CCDC33: variants seen among roughly 807,000 people sequenced by gnomAD.
CCDC33 encodes the protein coiled-coil domain containing 33, also known as coiled-coil domain-containing protein 33.
CCDC33 carries 94 observed loss-of-function variants against 91.9 expected under a neutral mutation model. The observed-to-expected ratio is 1.02, with a 90% confidence interval of 0.87 to 1.21. CCDC33 has a LOEUF of 1.21. Among genes scored for constraint, CCDC33 ranks in the 50% most tolerant of loss-of-function variants. The probability of loss-of-function intolerance (pLI) is 0.00; values close to 1 mark genes in which losing one functional copy is unlikely to be tolerated. For missense variants in CCDC33, 940 were observed against 935.5 expected (o/e 1.00, Z -0.06); for synonymous variants, 396 against 374.5 (o/e 1.06, Z -0.66).
At chr15:74,273,872 C>A (rs1286114061) in intron 7 of CCDC33, among the ~76,000 whole-genome samples, 4 of 137,772 alleles carry the variant, frequency 2.9e-5, no homozygotes, top group Non-Finnish European at 6.1e-5. Context: ...CTCTTGTTGC[C>A]CAGGCTGGAG....
intron 2 of CCDC33, among the ~76,000 whole-genome samples, chr15:74,261,541 A>G (rs1442784833): frequency 1.3e-5 from 2 of 152,088 alleles, no homozygotes; most frequent in African/African-American, 4.8e-5. Flanking sequence ...CTCCCTCCGC[A>G]AGGTGTGTGG....
chr15:74,227,893 C>T (rs1372625466), intron 2 of CCDC33, among the ~76,000 whole-genome samples: 3 of 151,982 alleles, frequency 2.0e-5, no homozygotes, highest in Admixed American at 6.6e-5. Flanking sequence ...AGCCTCAGTG[C>T]AGTCCAAGAG....
chr15:74,250,651 C>T (rs1439324629), intron 2 of CCDC33, among the ~76,000 whole-genome samples: 1 of 152,228 alleles, frequency 6.6e-6, no homozygotes, highest in Non-Finnish European at 1.5e-5. Context: ...CATCCCGCCT[C>T]CACTGTGCCC....
chr15:74,221,239 T>TAACCAAAAAAGA, intron 2 of CCDC33: 1 of 978,530 alleles, frequency 1.0e-6, no homozygotes, highest in Non-Finnish European at 1.2e-6. Flanking sequence ...TTTTTTTTTT[T>TAACCAAAAAAGA]TTTTCACCAG....
intron 2 of CCDC33, among the ~76,000 whole-genome samples, chr15:74,245,147 T>C (rs1269599660): frequency 6.6e-6 from 1 of 152,188 alleles, no homozygotes. Flanking sequence ...ACATGGTTTA[T>C]GCACTCCTCT....
At chr15:74,307,588 A>G (rs1331872875) in intron 11 of CCDC33, among the ~76,000 whole-genome samples, 1 of 152,096 alleles carries the variant, frequency 6.6e-6, no homozygotes, top group East Asian at 1.9e-4. Context: ...TTAACTCACC[A>G]TCTTCCCAGC....
intron 11 of CCDC33, chr15:74,303,201 GGAACGTCAGCCTA>G (rs1411608817): frequency 1.3e-5 from 2 of 152,362 alleles, no homozygotes; most frequent in Non-Finnish European, 2.9e-5. Flanking sequence ...ACAAGCAGCA[GGAACGTCAGCCTA>G]GGGTGGTGAC....
At chr15:74,298,752 C>T (rs1263187434) in intron 11 of CCDC33, among the ~76,000 whole-genome samples, 1 of 122,912 alleles carries the variant, frequency 8.1e-6, no homozygotes, top group Non-Finnish European at 1.6e-5. Flanking sequence ...CTCACTCTGT[C>T]ACCAGCCTGG....
chr15:74,258,301 C>T (rs765943897), intron 2 of CCDC33, among the ~76,000 whole-genome samples: 8 of 152,222 alleles, frequency 5.3e-5, no homozygotes, highest in Non-Finnish European at 1.2e-4. Flanking sequence ...CCAGCAGCCA[C>T]AGCAGATCTG....
intron 1 of CCDC33, among the ~76,000 whole-genome samples, chr15:74,206,555 G>A (rs1036630474): frequency 1.3e-5 from 2 of 152,200 alleles, no homozygotes; most frequent in Non-Finnish European, 2.9e-5. Context: ...TGGCTTTAAA[G>A]GGGCACTGAT....
chr15:74,224,908 T>C (rs1486879000), intron 2 of CCDC33, among the ~76,000 whole-genome samples: 1 of 151,500 alleles, frequency 6.6e-6, no homozygotes, highest in Non-Finnish European at 1.5e-5. Context: ...AAGGGAGGGG[T>C]GTTAGGAGCT....
At position 74,313,104 on chromosome 15, in the gene CCDC33, G is replaced by T. The variant is rs147967375; in HGVS notation, c.1291-17085G>T. Among the ~76,000 whole-genome samples the T allele has an allele frequency of 2.6e-5, 4 of 152,338 alleles. No homozygotes were observed. In the South Asian group the frequency reaches 6.2e-4, roughly 24 times the overall value. On this transcript the variant is annotated intron_variant, in intron 11 of 18. Coordinates refer to ENST00000398814, the MANE Select transcript of CCDC33 (RefSeq NM_025055.5). ...CTTTGAGTCACAGGGGTGGGAAGGG[G>T]CTAAGAAGCCACTTGGAAGTCTCTG...
At chr15:74,330,569 G>T in intron 12 of CCDC33, 94 bp from the exon 13 acceptor site, 3 of 1,187,710 alleles carry the variant, frequency 2.5e-6, no homozygotes, top group African/African-American at 3.0e-5. Flanking sequence ...CCAAGCCCTC[G>T]GGCCAAGGGA....
intron 8 of CCDC33, 85 bp downstream of exon 8, chr15:74,280,177 G>C: frequency 6.6e-7 from 1 of 1,504,572 alleles, no homozygotes; most frequent in Non-Finnish European, 9.1e-7. Flanking sequence ...TCCCACCTCT[G>C]CCTCCCACAG....
chr15:74,231,109 G>A (rs1245790661), intron 2 of CCDC33, among the ~76,000 whole-genome samples: 2 of 152,164 alleles, frequency 1.3e-5, no homozygotes, highest in East Asian at 1.9e-4. Flanking sequence ...ACCTCTGCAC[G>A]GCAAGCAACC....
At chr15:74,222,344 G>A (rs1291353932) in intron 2 of CCDC33, among the ~76,000 whole-genome samples, 2 of 152,038 alleles carry the variant, frequency 1.3e-5, no homozygotes, top group African/African-American at 4.8e-5. Flanking sequence ...GGGCTCCCTC[G>A]CTAGAAGGCC....
exon 1 of CCDC33, chr15:74,217,401 G>T (rs559931972): frequency 7.8e-7 from 1 of 1,289,822 alleles, no homozygotes; most frequent in Non-Finnish European, 1.0e-6. Flanking sequence ...GGGTAGATAC[G>T]CCCTGAGACT....
downstream of CCDC33, chr15:74,336,309 G>A: frequency 7.1e-7 from 1 of 1,399,454 alleles, no homozygotes; most frequent in Non-Finnish European, 9.4e-7. Context: ...CCAGGAGGGT[G>A]GAGAGAAGAG....
chr15:74,222,116 G>A (rs1247963903), intron 2 of CCDC33, among the ~76,000 whole-genome samples: 2 of 152,200 alleles, frequency 1.3e-5, no homozygotes, highest in East Asian at 3.8e-4. Flanking sequence ...GCTGGAAAGG[G>A]CGGGGGAGAC....
Sources: gnomAD v4.1 joint callset for allele counts (sites outside exome capture counted in the v4.1 genomes callset) on GRCh38, gnomAD v4.1.1 for gene constraint, MANE v1.5 for transcripts, NCBI Gene and HGNC (gene_info 2026-07-23, HGNC 2026-07-21) for gene names.